Variants in CACNG7 observed in about 807,000 individuals in gnomAD.
The protein encoded by CACNG7 is calcium voltage-gated channel auxiliary subunit gamma 7, also known as voltage-dependent calcium channel gamma-7 subunit.
A neutral mutation model predicts 26.3 loss-of-function variants in CACNG7; 9 were observed. That is an observed-to-expected ratio of 0.34 (90% confidence interval 0.21 to 0.60). The LOEUF is 0.60. CACNG7 is among the 20% of genes least tolerant of loss of function. The probability of loss-of-function intolerance (pLI) is 0.81; values close to 1 mark genes in which losing one functional copy is unlikely to be tolerated. For missense variants in CACNG7, 297 were observed against 380.4 expected (o/e 0.78, Z 1.82); for synonymous variants, 170 against 157.0 (o/e 1.08, Z -0.62).
At chr19:53,924,227 G>GC (rs2068999744) in intron 4 of CACNG7, among the ~76,000 whole-genome samples, 1 of 140,904 alleles carries the variant, frequency 7.1e-6, no homozygotes, top group African/African-American at 2.7e-5. Context: ...TGGTGCAGTT[G>GC]CCCCAGGTCT....
At chr19:53,924,472 G>T (rs1223146601) in intron 4 of CACNG7, among the ~76,000 whole-genome samples, 1 of 145,620 alleles carries the variant, frequency 6.9e-6, no homozygotes, top group East Asian at 2.1e-4. Flanking sequence ...TGGTGGAGTT[G>T]TCCGAGGTCT....
At position 53,930,058 on chromosome 19, in the gene CACNG7, A is replaced by G. The variant is rs141618534; in HGVS notation, c.425-11412A>G. 2.1e-4 allele frequency among the ~76,000 whole-genome samples: 27 copies of G among 127,344 alleles called. No homozygotes were observed. The East Asian group carries it at 4.7e-3, about 22-fold the overall frequency. 83.5% of individuals were successfully genotyped at this position (127,344 alleles called of 152,430 possible). A position where few individuals can be genotyped will look rare whatever the true frequency, so the allele number is the denominator to read the frequency against. ...TAACAAATAGATAATATAATGTTAG[A>G]TGGTGCTACATGCTACAAAAAAAAA... On this transcript the variant is annotated intron_variant, in intron 4 of 5. Coordinates refer to ENST00000391767, the MANE Select transcript of CACNG7 (RefSeq NM_031896.5).
intron 5 of CACNG7, 26 bp downstream of exon 5, chr19:53,941,641 A>G (rs1025434271): frequency 5.6e-6 from 9 of 1,603,548 alleles, no homozygotes; most frequent in Middle Eastern, 3.3e-4. Context: ...CCTAGACTCT[A>G]GAGTTCTGAA....
chr19:53,931,860 T>C (rs903957659), intron 4 of CACNG7, among the ~76,000 whole-genome samples: 1 of 149,086 alleles, frequency 6.7e-6, no homozygotes, highest in Non-Finnish European at 1.5e-5. Flanking sequence ...CTCCCAGGTT[T>C]GCGCCATTTT....
In CACNG7 at chr19:53,942,504, CA is replaced by C. The variant is rs1039404867; in HGVS notation, c.*212del. ...CCCTCTTTTCCCGACCTCTCCTTTT[CA>C]TTGGTCCCTCTCACTCCCAAATGAC... On this transcript the variant is annotated 3_prime_UTR_variant, in exon 6 of 6. Transcript: ENST00000391767. The surrounding 1 kb of genome is among the most constrained non-coding windows in gnomAD (Gnocchi z 5.9). 2 of 1,420,054 alleles carry C rather than the reference CA, an allele frequency of 1.4e-6. No homozygotes were observed. Among genetic ancestry groups the C allele is most frequent in the Non-Finnish European group, 1.8e-6 (2 of 1,091,212 alleles). 88.0% of individuals were successfully genotyped at this position (1,420,054 alleles called of 1,614,324 possible).
At chr19:53,925,861 G>GA (rs2069026871) in intron 4 of CACNG7, among the ~76,000 whole-genome samples, 1 of 152,200 alleles carries the variant, frequency 6.6e-6, no homozygotes, top group Non-Finnish European at 1.5e-5. Flanking sequence ...ATGTGAGAGA[G>GA]GGATATTGAT....
chr19:53,930,074 C>CAA (rs35004784), intron 4 of CACNG7, among the ~76,000 whole-genome samples: 11,017 of 92,428 alleles, frequency 0.12, 742 homozygotes, highest in African/African-American at 0.15. Context: ...CTACATGCTA[C>CAA]AAAAAAAAAA....
chr19:53,920,942 C>A (rs577221764), intron 4 of CACNG7, among the ~76,000 whole-genome samples: 1,294 of 110,804 alleles, frequency 0.012, 111 homozygotes, highest in African/African-American at 0.05. Context: ...TGGACTTGCC[C>A]CAGGCTGGTC....
intron 4 of CACNG7, among the ~76,000 whole-genome samples, chr19:53,920,509 G>C (rs372587122): frequency 4.0e-4 from 6 of 14,968 alleles, no homozygotes; most frequent in East Asian, 1.5e-3. Flanking sequence ...CATTGGTGGA[G>C]TTGCCCCAGG....
In CACNG7 at chr19:53,942,371, T is replaced by G; in HGVS notation, c.*78T>G. 6.5e-7 allele frequency: 1 copy of G among 1,538,060 alleles called. No homozygotes were observed. The highest frequency in any genetic ancestry group is 8.7e-7 in the Non-Finnish European group (1 of 1,143,222). ...GTCTCCCTGCAATGCAGCGCCCCCT[T>G]CCGTCCTCGGGACTCCTCGCTCCCA... On this transcript the variant is annotated 3_prime_UTR_variant, in exon 6 of 6. Transcript: ENST00000391767. The surrounding 1 kb of genome is among the most constrained non-coding windows in gnomAD (Gnocchi z 5.9).
At chr19:53,911,040 T>TCGG in intron 1 of CACNG7, among the ~76,000 whole-genome samples, 1 of 150,316 alleles carries the variant, frequency 6.7e-6, no homozygotes, top group Non-Finnish European at 1.5e-5. Flanking sequence ...GGATGCTGGA[T>TCGG]TGGTGGTGGT....
intron 4 of CACNG7, among the ~76,000 whole-genome samples, chr19:53,923,496 T>C (rs868667979): frequency 0.049 from 3,501 of 71,204 alleles, 149 homozygotes; most frequent in Non-Finnish European, 0.07. Flanking sequence ...GGTGGAGTTG[T>C]CCCAGGCTGG....
intron 4 of CACNG7, among the ~76,000 whole-genome samples, chr19:53,925,484 G>C (rs929088217): frequency 8.6e-6 from 1 of 116,684 alleles, no homozygotes; most frequent in Non-Finnish European, 1.7e-5. Flanking sequence ...GTTGCCCCAG[G>C]CTGGTCATTG....
rs779891982 is a variant in CACNG7 at position 53,913,041 on chromosome 19, C to T, written c.196+14C>T. On this transcript the variant is annotated intron_variant, in intron 2 of 5. Transcript: ENST00000391767. ...GCTTCTTTGCAGGTACAGCCCTCAC[C>T]CGTCTTCCACTCAACAGTTTCTGCC... is the stretch of plus-strand genomic sequence containing the variant. 1.3e-6 allele frequency: 2 copies of T among 1,599,164 alleles called. No individual in the cohort carries two copies. Among genetic ancestry groups the T allele is most frequent in the Admixed American group, 1.7e-5 (1 of 59,620 alleles).
intron 4 of CACNG7, among the ~76,000 whole-genome samples, chr19:53,923,044 GCCTGGTCATTGGTGCAGTTGTCCCCAGGC>G (rs2068977404): frequency 8.2e-6 from 1 of 121,254 alleles, no homozygotes; most frequent in Non-Finnish European, 1.7e-5. Flanking sequence ...GTTGTCCCAG[GCCTGGTCATTGGTGCAGTTGTCCCCAGGC>G]CTGGTCATTG....
intron 4 of CACNG7, among the ~76,000 whole-genome samples, chr19:53,919,016 C>G (rs1052118189): frequency 6.6e-6 from 1 of 152,148 alleles, no homozygotes; most frequent in Non-Finnish European, 1.5e-5. Flanking sequence ...GTGATCCGCC[C>G]GCCTCGGCCT....
At chr19:53,925,016 G>A (rs1317763183) in intron 4 of CACNG7, among the ~76,000 whole-genome samples, 3 of 127,858 alleles carry the variant, frequency 2.3e-5, no homozygotes. Context: ...TCTGGTATTG[G>A]TGGACTTGCC....
chr19:53,925,622 A>G (rs1427644215), intron 4 of CACNG7, among the ~76,000 whole-genome samples: 7 of 148,988 alleles, frequency 4.7e-5, no homozygotes, highest in African/African-American at 7.5e-5. Context: ...CAGGTCTGGT[A>G]TTGGTGGAGT....
chr19:53,921,864 T>C (rs1157768087), intron 4 of CACNG7, among the ~76,000 whole-genome samples: 2 of 101,324 alleles, frequency 2.0e-5, no homozygotes, highest in East Asian at 5.5e-4. Flanking sequence ...AGGCTGGTCA[T>C]TGGTGGAGTT....
Sources: allele counts gnomAD v4.1 joint callset (sites outside exome capture counted in the v4.1 genomes callset), GRCh38; gene constraint gnomAD v4.1.1; non-coding constraint Gnocchi (gnomAD v3.1); transcripts MANE v1.5; gene names NCBI Gene and HGNC (gene_info 2026-07-23, HGNC 2026-07-21).